The following LEMD1 variants were observed in gnomAD, a reference collection of about 807,000 sequenced individuals.
The protein encoded by LEMD1 is LEM domain-containing protein 1.
A neutral mutation model predicts 17.4 loss-of-function variants in LEMD1; 18 were observed. The ratio of observed to expected loss-of-function variants is 1.04; its 90% CI spans 0.72 to 1.54. The LOEUF is 1.54. Ranked by LOEUF, LEMD1 falls within the 40% of genes most tolerant of loss-of-function variation. The pLI, the probability that LEMD1 is intolerant of heterozygous loss-of-function variation, is 0.00. For missense variants in LEMD1, 195 were observed against 210.4 expected (o/e 0.93, Z 0.45); for synonymous variants, 88 against 77.8 (o/e 1.13, Z -0.69).
intron 1 of LEMD1, chr1:205,436,826 C>T (rs1051520129): frequency 6.6e-6 from 1 of 152,238 alleles, no homozygotes; most frequent in Non-Finnish European, 1.5e-5. Flanking sequence ...TGGTGAAAGC[C>T]CACCTTTGCA....
At chr1:205,445,821 G>A (rs1319188990) in intron 1 of LEMD1, among the ~76,000 whole-genome samples, 1 of 152,136 alleles carries the variant, frequency 6.6e-6, no homozygotes, top group East Asian at 1.9e-4. Context: ...GAACCCCAAA[G>A]GTCAAACTTT....
intron 1 of LEMD1, chr1:205,435,628 C>T (rs1666193135): frequency 6.6e-6 from 1 of 152,142 alleles, no homozygotes; most frequent in Admixed American, 6.5e-5. Flanking sequence ...TTTAGGAGGG[C>T]AGGGGTTGGC....
intron 4 of LEMD1, chr1:205,387,107 G>A (rs1254363195): frequency 2.0e-5 from 3 of 152,078 alleles, no homozygotes; most frequent in African/African-American, 7.2e-5. Flanking sequence ...TACTCCCCTT[G>A]TGCCATAAGG....
At chr1:205,415,112 A>C (rs1025542737) in intron 4 of LEMD1, among the ~76,000 whole-genome samples, 2 of 152,174 alleles carry the variant, frequency 1.3e-5, no homozygotes, top group African/African-American at 4.8e-5. Flanking sequence ...ATGCAGGTTT[A>C]GGGTGGGCTG....
intron 4 of LEMD1, among the ~76,000 whole-genome samples, chr1:205,392,348 C>T (rs943625972): frequency 4.0e-5 from 6 of 150,812 alleles, no homozygotes; most frequent in Non-Finnish European, 8.8e-5. Flanking sequence ...TGACAGCCTG[C>T]GCAGCAAAGC....
At chr1:205,433,360 G>A (rs1196808919) in intron 1 of LEMD1, among the ~76,000 whole-genome samples, 1 of 152,094 alleles carries the variant, frequency 6.6e-6, no homozygotes, top group African/African-American at 2.4e-5. Context: ...GGGAGGCTGA[G>A]GCAGGAGAAT....
chr1:205,433,660 G>A (rs1246085318), intron 1 of LEMD1, among the ~76,000 whole-genome samples: 1 of 152,190 alleles, frequency 6.6e-6, no homozygotes, highest in East Asian at 1.9e-4. Context: ...AGACAGCAGA[G>A]GGACTGGGGC....
intron 4 of LEMD1, among the ~76,000 whole-genome samples, chr1:205,415,781 C>A (rs1263253615): frequency 2.6e-5 from 4 of 152,164 alleles, no homozygotes; most frequent in Admixed American, 2.6e-4. Flanking sequence ...TAGGCCTCAC[C>A]CCAAAACCTG....
intron 4 of LEMD1, among the ~76,000 whole-genome samples, chr1:205,394,721 G>A (rs1011227818): frequency 2.6e-5 from 4 of 151,934 alleles, no homozygotes; most frequent in Non-Finnish European, 4.4e-5. Context: ...ACCCAGTCTC[G>A]CTCATGCCTG....
At chr1:205,445,197 TCTCC>T (rs1666363296) in intron 1 of LEMD1, among the ~76,000 whole-genome samples, 2 of 151,804 alleles carry the variant, frequency 1.3e-5, no homozygotes, top group Admixed American at 6.6e-5. Flanking sequence ...TCCCTCTCCC[TCTCC>T]CTCTGGCCGC....
intron 4 of LEMD1, among the ~76,000 whole-genome samples, chr1:205,388,259 G>A (rs188794130): frequency 1.3e-4 from 19 of 151,562 alleles, no homozygotes; most frequent in Admixed American, 5.3e-4. Context: ...GTGCAGTGGC[G>A]TGATCTCGGC....
At position 205,443,563 on chromosome 1, in the gene LEMD1, C is replaced by T. The variant is rs979901075; in HGVS notation, c.-39+6305G>A. 5.3e-5 allele frequency among the ~76,000 whole-genome samples: 8 copies of T among 152,214 alleles called. No homozygotes were observed. The South Asian group carries it at 1.0e-3, about 20-fold the overall frequency. On this transcript the variant is annotated intron_variant, in intron 1 of 3. Transcript: ENST00000367154. ...TGTAGCCTGGCTCCCGAGAGGTGTT[C>T]GAGGGCTGGCTGCCTCAGTGGGATT...
At chr1:205,382,714 A>T (rs1216006506) in intron 5 of LEMD1, among the ~76,000 whole-genome samples, 1 of 152,194 alleles carries the variant, frequency 6.6e-6, no homozygotes, top group Admixed American at 6.5e-5. Flanking sequence ...CAGATCCCCA[A>T]GTCCTCGCTG....
At chr1:205,446,939 C>A (rs761534979) in intron 1 of LEMD1, among the ~76,000 whole-genome samples, 2 of 152,050 alleles carry the variant, frequency 1.3e-5, no homozygotes, top group African/African-American at 4.8e-5. Context: ...CCCCGCTCCC[C>A]CCGACCTCCT....
chr1:205,392,814 A>G (rs1225250111), intron 4 of LEMD1, among the ~76,000 whole-genome samples: 4 of 152,346 alleles, frequency 2.6e-5, no homozygotes, highest in African/African-American at 7.2e-5. Context: ...ATGGCTGAAA[A>G]TGTCCCAAAT....
intron 4 of LEMD1, among the ~76,000 whole-genome samples, chr1:205,394,459 A>G (rs1664492884): frequency 1.3e-5 from 2 of 152,060 alleles, no homozygotes; most frequent in African/African-American, 4.8e-5. Flanking sequence ...ATCTCGGCTC[A>G]CCACAACCTC....
chr1:205,429,789 G>T lies in LEMD1; in HGVS notation c.-38-9215C>A, dbSNP rs537554595. 1.1e-4 allele frequency among the ~76,000 whole-genome samples: 16 copies of T among 152,150 alleles called. No individual in the cohort carries two copies. The East Asian group carries it at 2.3e-3, about 22-fold the overall frequency. On this transcript the variant is annotated intron_variant, in intron 1 of 3. Transcript: ENST00000367154. Reference sequence around the variant, plus strand: ...TCGGCTATTTTGATGTTGGGGGGTGGGGGGAGCAGGGACAGGCATTTGGGG... The same window carrying T: ...TCGGCTATTTTGATGTTGGGGGGTGTGGGGAGCAGGGACAGGCATTTGGGG...
Position 205,405,499 on chromosome 1 carries a change from C to T in LEMD1, c.270+10733G>A, listed in dbSNP as rs187783178. Among the ~76,000 whole-genome samples, 62 of 143,762 alleles carry T rather than the reference C, an allele frequency of 4.3e-4. 3 individuals are homozygous for T. Among genetic ancestry groups the T allele is most frequent in the African/African-American group, 1.5e-3 (55 of 37,620 alleles). 94.3% of individuals were successfully genotyped at this position (143,762 alleles called of 152,430 possible). ...TTTCTTCCAGTTGATCGCATCGGCT[C>T]CTGAGGCTTCTGCATTCTTCAAGTA... On this transcript the variant is annotated intron_variant, in intron 4 of 5. Transcript: ENST00000367153.
chr1:205,417,415 C>T (rs569481518), intron 3 of LEMD1, among the ~76,000 whole-genome samples: 3 of 152,306 alleles, frequency 2.0e-5, no homozygotes, highest in African/African-American at 4.8e-5. Flanking sequence ...AGCTTTAACC[C>T]GAAGTCCTGG....
Sources: gnomAD v4.1 joint callset for allele counts (sites outside exome capture counted in the v4.1 genomes callset) on GRCh38, gnomAD v4.1.1 for gene constraint, MANE v1.5 for transcripts, NCBI Gene and HGNC (gene_info 2026-07-23, HGNC 2026-07-21) for gene names.